PPM1H: variants seen among roughly 807,000 people sequenced by gnomAD.
PPM1H encodes the protein protein phosphatase, Mg2+/Mn2+ dependent 1H, also known as protein phosphatase 1H.
In PPM1H, 27 loss-of-function variants were observed where a neutral mutation model predicts 54.9. The ratio of observed to expected loss-of-function variants is 0.49; its 90% CI spans 0.36 to 0.68. The LOEUF (loss-of-function observed/expected upper bound fraction) is 0.68, where lower values mean the gene tolerates loss of function less well. PPM1H is among the 30% of genes least tolerant of loss of function. The pLI is 0.00. For missense variants in PPM1H, 596 were observed against 667.8 expected (o/e 0.89, Z 1.19); for synonymous variants, 305 against 270.8 (o/e 1.13, Z -1.24).
rs2076109851 is a variant in PPM1H, at chr12:62,695,511, A to G, written c.1074-1512T>C. On this transcript the variant is annotated intron_variant, in intron 6 of 9. Coordinates refer to ENST00000228705, the MANE Select transcript of PPM1H (RefSeq NM_020700.2). ...AGGTATTCTAGGAATTGAATTTTCA[A>G]AAAAGGAAATATACTGTTTCCTTCC... Among the ~76,000 whole-genome samples the G allele has an allele frequency of 2.0e-5, 3 of 152,324 alleles. No individual in the cohort carries two copies. In the East Asian group the frequency reaches 5.8e-4, roughly 29 times the overall value.
intron 2 of PPM1H, among the ~76,000 whole-genome samples, chr12:62,829,645 G>A (rs1050365556): frequency 1.3e-5 from 2 of 152,196 alleles, no homozygotes; most frequent in African/African-American, 2.4e-5. Flanking sequence ...TCTCCACTCT[G>A]CTGGTCCCTT....
intron 9 of PPM1H, among the ~76,000 whole-genome samples, chr12:62,657,195 G>A (rs2075849577): frequency 6.6e-6 from 1 of 152,198 alleles, no homozygotes; most frequent in South Asian, 2.1e-4. Flanking sequence ...CCATGAGAGA[G>A]GGTGAGACGC....
In PPM1H at chr12:62,708,255, G is replaced by A. The variant is rs74098814; in HGVS notation, c.1073+11916C>T. ...ACTTGTCTGAAGGTAAGAGGACGGT[G>A]GTGGTAGGATGAGATTTTTCAGGGT... On this transcript the variant is annotated intron_variant, in intron 6 of 9. Transcript: ENST00000228705. 7.0e-3 allele frequency among the ~76,000 whole-genome samples: 1,064 copies of A among 152,306 alleles called. 10 individuals carry two copies. Among genetic ancestry groups the A allele is most frequent in the African/African-American group, 0.025 (1,033 of 41,554 alleles).
intron 1 of PPM1H, among the ~76,000 whole-genome samples, chr12:62,859,108 T>C (rs1869504236): frequency 6.6e-6 from 1 of 152,184 alleles, no homozygotes; most frequent in East Asian, 1.9e-4. Context: ...ACCATATACA[T>C]TGATCCAGCT....
In PPM1H at chr12:62,934,709, C is replaced by T; in HGVS notation, c.28G>A (p.Ala10Thr). The change falls in exon 1 of 10, where the codon GCC becomes ACC. Residue 10 changes from alanine (A) to threonine (T), a missense_variant. Coordinates refer to ENST00000228705, the MANE Select transcript of PPM1H (RefSeq NM_020700.2). The surrounding 1 kb of genome is among the most constrained non-coding windows in gnomAD (Gnocchi z 4.2). ...GCCATGATGCCGCCCATGAAATTGG[C>T]CACGGCAGATTTCACTCGAGTGAGC... MLTRVKSAV[A>T]NFMGGIMAGS... The T allele has an allele frequency of 6.2e-7, 1 of 1,605,126 alleles. No individual in the cohort carries two copies. Among genetic ancestry groups the T allele is most frequent in the Non-Finnish European group, 8.5e-7 (1 of 1,175,336 alleles).
chr12:62,736,144 G>A (rs1456765607), intron 5 of PPM1H, among the ~76,000 whole-genome samples: 1 of 152,250 alleles, frequency 6.6e-6, no homozygotes, highest in African/African-American at 2.4e-5. Context: ...CAGACAGGTG[G>A]CAGAGAGGCT....
chr12:62,796,254 C>T (rs1167007627), intron 3 of PPM1H, among the ~76,000 whole-genome samples: 1 of 152,152 alleles, frequency 6.6e-6, no homozygotes, highest in Non-Finnish European at 1.5e-5. Flanking sequence ...CTGCAGAAGA[C>T]ACCAGCTGGG....
intron 2 of PPM1H, among the ~76,000 whole-genome samples, chr12:62,810,359 G>A (rs2076827639): frequency 6.6e-6 from 1 of 152,110 alleles, no homozygotes; most frequent in Non-Finnish European, 1.5e-5. Context: ...CTGGGACCCT[G>A]GGAATCTCAG....
intron 2 of PPM1H, among the ~76,000 whole-genome samples, chr12:62,807,720 C>G (rs149960527): frequency 1.1e-4 from 16 of 152,242 alleles, no homozygotes; most frequent in Middle Eastern, 3.4e-3. Context: ...ACATACTATT[C>G]GGGGAAATAC....
chr12:62,854,801 G>A (rs944176396), intron 1 of PPM1H, among the ~76,000 whole-genome samples: 1 of 151,918 alleles, frequency 6.6e-6, no homozygotes, highest in East Asian at 1.9e-4. Flanking sequence ...CTTCTGGAAG[G>A]CAGAATGACA....
chr12:62,819,951 C>T (rs1013340061), intron 2 of PPM1H, among the ~76,000 whole-genome samples: 4 of 152,138 alleles, frequency 2.6e-5, no homozygotes, highest in Admixed American at 6.5e-5. Context: ...CCAAAGAGGG[C>T]GAGCCGAAGC....
chr12:62,851,159 G>A (rs558672066), intron 1 of PPM1H, among the ~76,000 whole-genome samples: 10 of 152,178 alleles, frequency 6.6e-5, no homozygotes, highest in Non-Finnish European at 1.0e-4. Context: ...AGAAACCAGC[G>A]TTTCTTGGCA....
intron 1 of PPM1H, among the ~76,000 whole-genome samples, chr12:62,902,044 A>G (rs1219579091): frequency 2.0e-5 from 3 of 152,198 alleles, no homozygotes; most frequent in Non-Finnish European, 2.9e-5. Context: ...AGGGATGACT[A>G]ACCAATATAT....
At chr12:62,743,616 T>C (rs116632633) in intron 4 of PPM1H, among the ~76,000 whole-genome samples, 1,798 of 152,178 alleles carry the variant, frequency 0.012, 46 homozygotes, top group African/African-American at 0.041. Context: ...TTACAATTTT[T>C]CTTAAAGGGA....
At chr12:62,845,082 G>A (rs575521646) in intron 1 of PPM1H, among the ~76,000 whole-genome samples, 23 of 152,166 alleles carry the variant, frequency 1.5e-4, no homozygotes, top group Admixed American at 1.0e-3. Context: ...AGTTAGAGCC[G>A]ACCAAGAAGG....
chr12:62,707,770 GT>G (rs932405110), intron 6 of PPM1H, among the ~76,000 whole-genome samples: 14 of 152,126 alleles, frequency 9.2e-5, no homozygotes, highest in African/African-American at 3.4e-4. Flanking sequence ...GGTTGGCACT[GT>G]TTTTTTCTGC....
At chr12:62,750,043 G>A (rs370324322) in intron 4 of PPM1H, among the ~76,000 whole-genome samples, 2 of 148,342 alleles carry the variant, frequency 1.3e-5, no homozygotes, top group East Asian at 4.0e-4. Flanking sequence ...TTAATGAAAG[G>A]TTTTCAAGGT....
intron 1 of PPM1H, among the ~76,000 whole-genome samples, chr12:62,876,560 A>C (rs1443170405): frequency 3.3e-5 from 5 of 152,234 alleles, no homozygotes; most frequent in African/African-American, 1.2e-4. Context: ...TAGGAAAAGA[A>C]AACACAAGTG....
intron 2 of PPM1H, among the ~76,000 whole-genome samples, chr12:62,831,759 GTA>G (rs199628787): frequency 4.0e-5 from 6 of 148,226 alleles, no homozygotes; most frequent in African/African-American, 7.5e-5. Flanking sequence ...ATATATTCGT[GTA>G]TATATATATA....
Sources: allele counts gnomAD v4.1 joint callset (sites outside exome capture counted in the v4.1 genomes callset), GRCh38; gene constraint gnomAD v4.1.1; non-coding constraint Gnocchi (gnomAD v3.1); transcripts MANE v1.5; gene names NCBI Gene and HGNC (gene_info 2026-07-23, HGNC 2026-07-21).